Variants in ABCA13 observed in about 807,000 individuals in gnomAD.
The protein encoded by ABCA13 is ATP-binding cassette sub-family A member 13.
Under a neutral mutation model 478.7 loss-of-function variants are expected in ABCA13, and 476 were observed. The observed-to-expected ratio is 0.99, with a 90% CI of 0.92 to 1.07. ABCA13 has a LOEUF of 1.07. ABCA13 is among the 50% of genes least tolerant of loss of function. The pLI is 0.00. For synonymous variants in ABCA13, 2,252 were observed against 2,158.9 expected, an observed-to-expected ratio of 1.04 and a Z score of -1.20; for missense variants, 6,060 against 5,910.6, an observed-to-expected ratio of 1.03 and a Z score of -0.83.
intron 57 of ABCA13, among the ~76,000 whole-genome samples, chr7:48,591,749 A>G (rs1789767295): frequency 6.6e-6 from 1 of 151,954 alleles, no homozygotes; most frequent in African/African-American, 2.4e-5. Flanking sequence ...GAAATTGTCT[A>G]AAATTTCCTT....
chr7:48,509,105 T>G (rs1457884560), intron 50 of ABCA13, among the ~76,000 whole-genome samples: 1 of 152,140 alleles, frequency 6.6e-6, no homozygotes, highest in Non-Finnish European at 1.5e-5. Context: ...TCAGTAGGAC[T>G]GGGGGGACTT....
In ABCA13 at chr7:48,300,132, C is replaced by T. The variant is rs1183069280; in HGVS notation, c.9321+1645C>T. Among the ~76,000 whole-genome samples the T allele has an allele frequency of 2.6e-5, 4 of 152,280 alleles. No homozygotes were observed. The East Asian group carries it at 5.8e-4, about 22-fold the overall frequency. On this transcript the variant is annotated intron_variant, in intron 23 of 61. Coordinates refer to ENST00000435803, the MANE Select transcript of ABCA13 (RefSeq NM_152701.5). ...TTCTAGATTGTCAGGTTTTTAGCAG[C>T]ACCATATTATTTCTAGTATCCTTTT...
chr7:48,228,505 T>C (rs905256073), intron 6 of ABCA13, among the ~76,000 whole-genome samples: 4 of 152,118 alleles, frequency 2.6e-5, no homozygotes, highest in Non-Finnish European at 5.9e-5. Context: ...ACGGGTGCTG[T>C]TGGGCTTTGT....
chr7:48,288,023 G>A lies in ABCA13; in HGVS notation c.8900G>A (p.Arg2967Lys), dbSNP rs767398858. Reference protein sequence around the residue: ...ATLSCKQNGIRHLILSAIQGV... With the variant: ...ATLSCKQNGIKHLILSAIQGV... ...CTGAGTTGCAAGCAAAATGGGATAA[G>A]GCATCTCATTTTATCTGCTATACAA... The change falls in exon 20 of 62, where the codon AGG (arginine) becomes AAG (lysine). Residue 2967 changes from arginine to lysine, a missense_variant. Physicochemically the swap from Arg to Lys is conservative, Grantham distance 26. Around this residue, in one of 3 missense-constraint regions of ABCA13, gnomAD observed 4,423 missense variants for 4,309.1 expected, o/e 1.03. Transcript: ENST00000435803. The A allele has an allele frequency of 2.5e-6, 4 of 1,613,852 alleles. No homozygotes were observed. In the African/African-American group the frequency reaches 4.0e-5, roughly 16 times the overall value.
At chr7:48,402,707 G>A (rs1018410905) in intron 38 of ABCA13, among the ~76,000 whole-genome samples, 2 of 152,178 alleles carry the variant, frequency 1.3e-5, no homozygotes, top group African/African-American at 4.8e-5. Context: ...TGGAATTCTG[G>A]AATGTTCCAG....
intron 56 of ABCA13, among the ~76,000 whole-genome samples, chr7:48,581,158 A>G (rs1181747512): frequency 6.6e-6 from 1 of 152,188 alleles, no homozygotes; most frequent in Non-Finnish European, 1.5e-5. Context: ...CTGAACTAGA[A>G]GCAGAAATAA....
At position 48,417,266 on chromosome 7, in the gene ABCA13, T is replaced by G. The variant is rs187324960; in HGVS notation, c.12459+4683T>G. 3.4e-3 allele frequency among the ~76,000 whole-genome samples: 521 copies of G among 152,326 alleles called. 3 individuals carry two copies. Among genetic ancestry groups the G allele is most frequent in the Non-Finnish European group, 4.2e-3 (284 of 68,034 alleles). ...GAATCCCCAAATGATGACATGCATT[T>G]GTGTCCTAGATGCTTTTTTTTCATA... On this transcript the variant is annotated intron_variant, in intron 41 of 61. Coordinates refer to ENST00000435803, the MANE Select transcript of ABCA13 (RefSeq NM_152701.5).
rs753150724 is a variant in ABCA13 at position 48,271,953 on chromosome 7, C to G, written c.2287C>G (p.Leu763Val). Reference protein sequence around the residue: ...IVPSFHSLPSLTEDILNISSL... With the variant: ...IVPSFHSLPSVTEDILNISSL... ...TCCCAGTTTCCACAGCCTCCCATCT[C>G]TCACAGAGGATATTCTGAATATAAG... is the stretch of plus-strand genomic sequence containing the variant. The change falls in exon 17 of 62, where the codon CTC becomes GTC. Residue 763 changes from leucine to valine, a missense_variant. Coordinates refer to ENST00000435803, the MANE Select transcript of ABCA13 (RefSeq NM_152701.5). 4 of 1,613,624 alleles carry G rather than the reference C, an allele frequency of 2.5e-6. No homozygotes were observed. The highest frequency in any genetic ancestry group is 3.4e-6 in the Non-Finnish European group (4 of 1,179,706).
At chr7:48,242,363 T>G (rs1459090132) in intron 10 of ABCA13, among the ~76,000 whole-genome samples, 4 of 152,010 alleles carry the variant, frequency 2.6e-5, no homozygotes, top group African/African-American at 9.7e-5. Context: ...ATATAAAATT[T>G]CCACACATTC....
chr7:48,511,884 G>T (rs1831716276), intron 51 of ABCA13, among the ~76,000 whole-genome samples: 1 of 152,192 alleles, frequency 6.6e-6, no homozygotes, highest in African/African-American at 2.4e-5. Context: ...AGATAAAACA[G>T]CTTGCTCTTA....
chr7:48,598,916 A>C (rs1156961992), intron 58 of ABCA13, among the ~76,000 whole-genome samples: 2 of 152,056 alleles, frequency 1.3e-5, no homozygotes, highest in African/African-American at 2.4e-5. Flanking sequence ...ATATCCAATT[A>C]TTTCAGCACT....
chr7:48,369,126 G>C (rs1345308899), intron 32 of ABCA13, among the ~76,000 whole-genome samples: 2 of 152,050 alleles, frequency 1.3e-5, no homozygotes, highest in Non-Finnish European at 2.9e-5. Flanking sequence ...TTACATTGTG[G>C]TTTTGATTTG....
At chr7:48,464,931 G>A (rs958055303) in intron 43 of ABCA13, among the ~76,000 whole-genome samples, 17 of 152,230 alleles carry the variant, frequency 1.1e-4, no homozygotes, top group African/African-American at 4.1e-4. Flanking sequence ...TTATGGAATC[G>A]GTGTTCCAAC....
At position 48,335,463 on chromosome 7, in the gene ABCA13, A is replaced by G. The variant is rs375032374; in HGVS notation, c.10041A>G (p.Leu3347=). The change falls in exon 28 of 62, where the codon TTA becomes TTG. Residue 3347 remains leucine (L), a synonymous_variant. Coordinates refer to ENST00000435803, the MANE Select transcript of ABCA13 (RefSeq NM_152701.5). The stretch of plus-strand genomic sequence containing the variant: ...ATATTGTGGACAAACTAAAAACTTT[A>G]TCAGAAACACTGCTGGAAATGTCCA... ...TFYIVDKLKT[L]SETLLEMSSL... is the part of the protein sequence containing the mutation. 24 of 1,613,390 alleles carry G rather than the reference A, an allele frequency of 1.5e-5. No individual in the cohort carries two copies. The highest frequency in any genetic ancestry group is 2.2e-5 in the East Asian group (1 of 44,874).
chr7:48,506,230 C>T, intron 48 of ABCA13, 106 bp from the exon 49 acceptor site: 5 of 1,240,032 alleles, frequency 4.0e-6, no homozygotes, highest in Non-Finnish European at 4.6e-6. Flanking sequence ...GCAAAGCAAG[C>T]AGGATACATT....
chr7:48,255,457 C>T (rs767526124), intron 15 of ABCA13, among the ~76,000 whole-genome samples: 2 of 151,748 alleles, frequency 1.3e-5, no homozygotes, highest in Non-Finnish European at 2.9e-5. Flanking sequence ...CCCTTGCCCA[C>T]CCCTCTTTCC....
At chr7:48,312,646 C>T (rs1169757999) in intron 24 of ABCA13, among the ~76,000 whole-genome samples, 1 of 152,158 alleles carries the variant, frequency 6.6e-6, no homozygotes, top group African/African-American at 2.4e-5. Flanking sequence ...ATGCACATCC[C>T]CAAGGTATTA....
rs1018403312 is a variant in ABCA13 at position 48,559,264 on chromosome 7, T to A, written c.14355-20960T>A. Among the ~76,000 whole-genome samples the A allele has an allele frequency of 2.0e-5, 3 of 152,112 alleles. No individual in the cohort carries two copies. The South Asian group carries it at 6.2e-4, about 32-fold the overall frequency. On this transcript the variant is annotated intron_variant, in intron 55 of 61. Transcript: ENST00000435803. The stretch of plus-strand genomic sequence containing the variant: ...CCACAAGTCAGAATCCTTCCCTCCT[T>A]TTCCTCCCTTTTGACTGTCAGAGGA...
intron 1 of ABCA13, among the ~76,000 whole-genome samples, chr7:48,172,615 GA>G (rs1794256430): frequency 6.6e-6 from 1 of 151,550 alleles, no homozygotes; most frequent in Non-Finnish European, 1.5e-5. Context: ...CTAACACAGT[GA>G]AACCCCGTCT....
Sources: allele counts gnomAD v4.1 joint callset (sites outside exome capture counted in the v4.1 genomes callset), GRCh38; gene constraint gnomAD v4.1.1; regional missense constraint gnomAD v4.1.1; transcripts MANE v1.5; gene names NCBI Gene and HGNC (gene_info 2026-07-23, HGNC 2026-07-21).